NFASC: variants seen among roughly 807,000 people sequenced by gnomAD.
NFASC encodes the protein neurofascin homolog.
A neutral mutation model predicts 147.5 loss-of-function variants in NFASC; 43 were observed. The observed-to-expected ratio is 0.29, with a 90% CI of 0.23 to 0.38. The LOEUF (loss-of-function observed/expected upper bound fraction) is 0.38, where lower values mean the gene tolerates loss of function less well. NFASC is among the 10% of genes least tolerant of loss of function. NFASC has a pLI of 1.00. For synonymous variants in NFASC, 622 were observed against 665.5 expected (o/e 0.93, Z 1.01); for missense variants, 1,320 against 1,689.0 (o/e 0.78, Z 3.83).
chr1:205,009,642 G>C lies in NFASC; in HGVS notation c.3375G>C (p.Leu1125=). 7 of 1,614,096 alleles carry C rather than the reference G, an allele frequency of 4.3e-6. No individual in the cohort carries two copies. Among genetic ancestry groups the C allele is most frequent in the Non-Finnish European group, 5.9e-6 (7 of 1,180,026 alleles). The change falls in exon 28 of 30, where the codon CTG becomes CTC. Residue 1125 remains leucine (L), a synonymous_variant. Coordinates refer to ENST00000339876, the MANE Select transcript of NFASC (RefSeq NM_001005388.3). ...CCATCGCCCTCCTGGTGCTGATCCT[G>C]CTCATCGTCTGTTTCATCAAGAGGA... ...MCAIALLVLI[L]LIVCFIKRSR... is the part of the protein sequence containing the mutation.
At chr1:204,984,189 C>G (rs2095561186) in intron 21 of NFASC, 4 of 1,293,622 alleles carry the variant, frequency 3.1e-6, no homozygotes, top group Non-Finnish European at 4.5e-6. Flanking sequence ...GCTCACTAAC[C>G]AGGGCCAGGG....
Position 204,979,160 on chromosome 1 carries a change from G to A in NFASC, c.1978+91G>A, listed in dbSNP as rs1318310000. 2 of 1,159,156 alleles carry A rather than the reference G, an allele frequency of 1.7e-6. No homozygotes were observed. The highest frequency in any genetic ancestry group is 5.2e-5 in the East Asian group (2 of 38,772). The allele number at this position is 1,159,156 out of a possible 1,614,324, so 71.8% of individuals were successfully genotyped here. On this transcript the variant is annotated intron_variant, in intron 18 of 29. Coordinates refer to ENST00000339876, the MANE Select transcript of NFASC (RefSeq NM_001005388.3). The surrounding 1 kb of genome is among the most constrained non-coding windows in gnomAD (Gnocchi z 6.0). ...TTTCCTGGTTTCCAGCCCCACTTCT[G>A]CCTCGCTTGATGTGTGTCCTGGGCT...
At chr1:204,985,967 C>G in intron 21 of NFASC, 2 of 1,613,976 alleles carry the variant, frequency 1.2e-6, no homozygotes, top group Admixed American at 1.7e-5. Context: ...TCAGAAGAGA[C>G]AGCAAGCCAG....
At chr1:205,001,968 A>C (rs1213219409) in intron 26 of NFASC, among the ~76,000 whole-genome samples, 1 of 152,218 alleles carries the variant, frequency 6.6e-6, no homozygotes, top group African/African-American at 2.4e-5. Flanking sequence ...AGACCCTCTC[A>C]GGAGAGAGCA....
chr1:205,012,675 TAA>T (rs1352135680), intron 28 of NFASC, 120 bp from the exon 29 acceptor site: 5 of 776,768 alleles, frequency 6.4e-6, no homozygotes, highest in Non-Finnish European at 9.4e-6. Context: ...GGTGCCTTGT[TAA>T]AAAAGAGTGT....
At position 204,986,240 on chromosome 1, in the gene NFASC, CG is replaced by C. The variant is rs1417883059; in HGVS notation, c.2471-1176del. The C allele has an allele frequency of 1.5e-6, 1 of 683,416 alleles. No homozygotes were observed. Among genetic ancestry groups the C allele is most frequent in the African/African-American group, 1.8e-5 (1 of 56,468 alleles). The allele number at this position is 683,416 out of a possible 1,614,324, so 42.3% of individuals were successfully genotyped here. On this transcript the variant is annotated intron_variant, in intron 21 of 29. Coordinates refer to ENST00000339876, the MANE Select transcript of NFASC (RefSeq NM_001005388.3). This position sits in a 1 kb window ranked among gnomAD's most constrained non-coding sequence, Gnocchi z 4.2. ...GTGACTTCTGCGAGGCCTCCAGGAG[CG>C]GATGACCTGCAAGCCGAGCCACTAC...
intron 1 of NFASC, among the ~76,000 whole-genome samples, chr1:204,918,210 A>T (rs1231395505): frequency 1.3e-5 from 2 of 152,164 alleles, no homozygotes; most frequent in African/African-American, 4.8e-5. Flanking sequence ...ACAGTTTAGG[A>T]TTTCTTGTGG....
At chr1:204,871,420 G>C (rs1420028182) in intron 1 of NFASC, among the ~76,000 whole-genome samples, 1 of 152,160 alleles carries the variant, frequency 6.6e-6, no homozygotes, top group African/African-American at 2.4e-5. Flanking sequence ...AGGAATGAGG[G>C]TGTCTGGAAA....
intron 1 of NFASC, among the ~76,000 whole-genome samples, chr1:204,873,750 G>A (rs564985196): frequency 8.3e-4 from 126 of 152,304 alleles, no homozygotes; most frequent in African/African-American, 2.8e-3. Context: ...GATGGGGATG[G>A]GGGACTCTTC....
intron 1 of NFASC, among the ~76,000 whole-genome samples, chr1:204,890,860 G>A (rs542840093): frequency 1.3e-5 from 2 of 151,762 alleles, no homozygotes; most frequent in African/African-American, 2.4e-5. Flanking sequence ...GTGAGCCACC[G>A]CACCTGGCCA....
At chr1:204,903,844 C>T (rs2085190939) in intron 1 of NFASC, among the ~76,000 whole-genome samples, 1 of 152,166 alleles carries the variant, frequency 6.6e-6, no homozygotes, top group South Asian at 2.1e-4. Flanking sequence ...CTGAGATAAT[C>T]ACAAGGGGAA....
At chr1:204,875,791 C>T (rs566307033) in intron 1 of NFASC, among the ~76,000 whole-genome samples, 1 of 152,260 alleles carries the variant, frequency 6.6e-6, no homozygotes, top group African/African-American at 2.4e-5. Context: ...CCCTGTTCCT[C>T]CCCACTCCCA....
intron 15 of NFASC, among the ~76,000 whole-genome samples, chr1:204,976,118 GA>G (rs1476920240): frequency 4.6e-5 from 7 of 152,114 alleles, no homozygotes; most frequent in Non-Finnish European, 1.0e-4. Context: ...GCCATCATTT[GA>G]CTTTTTGCAG....
chr1:204,988,909 T>C, intron 23 of NFASC, 103 bp downstream of exon 23: 1 of 1,153,164 alleles, frequency 8.7e-7, no homozygotes, highest in Non-Finnish European at 1.3e-6. Context: ...GGAGAGGAAA[T>C]GAGACTTGCA....
chr1:204,953,634 C>G (rs999403923), intron 5 of NFASC, among the ~76,000 whole-genome samples: 11 of 152,156 alleles, frequency 7.2e-5, no homozygotes, highest in Admixed American at 7.2e-4. Context: ...GTGGTCACTG[C>G]TATATAATCT....
At chr1:204,865,856 A>G (rs955451439) in intron 1 of NFASC, among the ~76,000 whole-genome samples, 3 of 152,352 alleles carry the variant, frequency 2.0e-5, no homozygotes, top group South Asian at 2.1e-4. Context: ...GTGGGGCCAC[A>G]GGATAGAAGT....
intron 1 of NFASC, among the ~76,000 whole-genome samples, chr1:204,832,992 G>A (rs897664542): frequency 6.6e-6 from 1 of 152,256 alleles, no homozygotes; most frequent in Non-Finnish European, 1.5e-5. Context: ...GATGTTGGAT[G>A]CATATGGCCT....
At chr1:204,896,197 T>C (rs958708784) in intron 1 of NFASC, among the ~76,000 whole-genome samples, 2 of 151,922 alleles carry the variant, frequency 1.3e-5, no homozygotes, top group Non-Finnish European at 2.9e-5. Context: ...GCAAAATCAG[T>C]GGGAGGGGGA....
intron 8 of NFASC, among the ~76,000 whole-genome samples, chr1:204,966,378 G>A (rs1204306338): frequency 1.3e-5 from 2 of 152,104 alleles, no homozygotes; most frequent in African/African-American, 4.8e-5. Flanking sequence ...GGAGTATGAC[G>A]ACTTAGCTGG....
Sources: gnomAD v4.1 joint callset for allele counts (sites outside exome capture counted in the v4.1 genomes callset) on GRCh38, gnomAD v4.1.1 for gene constraint, Gnocchi (gnomAD v3.1) non-coding constraint, MANE v1.5 for transcripts, NCBI Gene and HGNC (gene_info 2026-07-23, HGNC 2026-07-21) for gene names.